The following NSMCE1 variants were observed in gnomAD, a reference collection of about 807,000 sequenced individuals.
NSMCE1 encodes the protein non-structural maintenance of chromosomes element 1 homolog.
In NSMCE1, 18 loss-of-function variants were observed where a neutral mutation model predicts 29.6. The observed-to-expected ratio is 0.61, with a 90% CI of 0.42 to 0.90. NSMCE1 has a LOEUF of 0.90. Ranked by LOEUF, NSMCE1 falls within the 40% of genes least tolerant of loss-of-function variation. The pLI, the probability that NSMCE1 is intolerant of heterozygous loss-of-function variation, is 0.00. For synonymous variants in NSMCE1, 124 were observed against 133.4 expected, an observed-to-expected ratio of 0.93 and a Z score of 0.49; for missense variants, 314 against 343.6, an observed-to-expected ratio of 0.91 and a Z score of 0.68.
chr16:27,242,332 CT>C (rs2083904369), intron 2 of NSMCE1, among the ~76,000 whole-genome samples: 1 of 152,134 alleles, frequency 6.6e-6, no homozygotes, highest in South Asian at 2.1e-4. Context: ...GTTTTAAAAC[CT>C]ATTGTTCTGA....
At chr16:27,259,575 G>A (rs2084132147) in intron 1 of NSMCE1, among the ~76,000 whole-genome samples, 1 of 152,102 alleles carries the variant, frequency 6.6e-6, no homozygotes, top group African/African-American at 2.4e-5. Flanking sequence ...GAGGTGTAGA[G>A]GAAAGAAATG....
At chr16:27,226,888 C>T (rs2083703174) in intron 5 of NSMCE1, 52 bp from the exon 6 acceptor site, 1 of 1,078,492 alleles carries the variant, frequency 9.3e-7, no homozygotes. Context: ...TCTCCCCATT[C>T]ACCACCTCTC....
chr16:27,248,405 GCTTT>G (rs2083980664), intron 2 of NSMCE1, among the ~76,000 whole-genome samples: 3 of 103,650 alleles, frequency 2.9e-5, no homozygotes, highest in Non-Finnish European at 6.1e-5. Flanking sequence ...GTTTTAGTTT[GCTTT>G]TTTTTTTTTT....
At chr16:27,256,603 T>C (rs761813923) in intron 2 of NSMCE1, among the ~76,000 whole-genome samples, 12 of 152,258 alleles carry the variant, frequency 7.9e-5, no homozygotes, top group Admixed American at 2.6e-4. Flanking sequence ...TCTACCCATA[T>C]TGGCACACAA....
chr16:27,252,391 T>C lies in NSMCE1; in HGVS notation c.136+5044A>G, dbSNP rs189604186. Among the ~76,000 whole-genome samples, 214 of 152,366 alleles carry C rather than the reference T, an allele frequency of 1.4e-3. 1 individual carries two copies. Among genetic ancestry groups the C allele is most frequent in the East Asian group, 7.9e-3 (41 of 5,192 alleles). On this transcript the variant is annotated intron_variant, in intron 2 of 7. Coordinates refer to ENST00000361439, the MANE Select transcript of NSMCE1 (RefSeq NM_145080.4). ...CCCAGGAATGGCCAGGCACGGTGGC[T>C]AAATAAATATTTCAAATCATTTCTA...
intron 1 of NSMCE1, among the ~76,000 whole-genome samples, chr16:27,262,845 G>A (rs138284482): frequency 6.6e-6 from 1 of 151,710 alleles, no homozygotes; most frequent in Non-Finnish European, 1.5e-5. Context: ...AACTATTTAC[G>A]AGAGAAAATC....
chr16:27,234,267 T>A lies in NSMCE1; in HGVS notation c.259-2A>T. On this transcript the variant is annotated splice_acceptor_variant, in intron 3 of 7. Transcript: ENST00000361439. LOFTEE classifies it high-confidence loss of function. Reference sequence around the variant, plus strand: ...AATTGAAGTTGTAGCAAGATTCACCTAAGAAATAAGTCAGCACGACAGTCA... The same window carrying A: ...AATTGAAGTTGTAGCAAGATTCACCAAAGAAATAAGTCAGCACGACAGTCA... 6.2e-7 allele frequency: 1 copy of A among 1,606,102 alleles called. No homozygotes were observed. The highest frequency in any genetic ancestry group is 8.5e-7 in the Non-Finnish European group (1 of 1,172,650).
intron 2 of NSMCE1, among the ~76,000 whole-genome samples, chr16:27,244,132 T>C (rs2083924750): frequency 6.6e-6 from 1 of 152,228 alleles, no homozygotes; most frequent in South Asian, 2.1e-4. Flanking sequence ...CTGGAGTCTC[T>C]GCTAAACCCA....
intron 6 of NSMCE1, chr16:27,226,112 T>A (rs2083688076): frequency 2.8e-6 from 1 of 354,492 alleles, no homozygotes; most frequent in Non-Finnish European, 5.2e-6. Flanking sequence ...TGCACTCAGA[T>A]CCTGCAGGTG....
In NSMCE1 at chr16:27,229,601, T is replaced by C. The variant is rs560553371; in HGVS notation, c.484-2765A>G. ...TTTTATTTATTTATTTGAGACAGAGTTTCGCTCTTGTTGCCCAGGCTAGAT... is the reference window on the plus strand; with the variant it reads ...TTTTATTTATTTATTTGAGACAGAGCTTCGCTCTTGTTGCCCAGGCTAGAT... On this transcript the variant is annotated intron_variant, in intron 5 of 7. Transcript: ENST00000361439. Among the ~76,000 whole-genome samples, 15 of 152,214 alleles carry C rather than the reference T, an allele frequency of 9.9e-5. No individual in the cohort carries two copies. The South Asian group carries it at 2.9e-3, about 30-fold the overall frequency.
At chr16:27,256,930 T>C (rs1001209765) in intron 2 of NSMCE1, among the ~76,000 whole-genome samples, 3 of 152,210 alleles carry the variant, frequency 2.0e-5, no homozygotes, top group Non-Finnish European at 2.9e-5. Flanking sequence ...TTGCCCAGGC[T>C]GGTCCCAAAC....
rs1596665466 is a variant in NSMCE1, at chr16:27,225,197, A to G, written c.761T>C (p.Leu254Ser). ...CCGCAGGGACTTTTTGTTCGATTTCAAGACACCAGACTCCCTCTCCTTCTC... is the reference window on the plus strand; with the variant it reads ...CCGCAGGGACTTTTTGTTCGATTTCGAGACACCAGACTCCCTCTCCTTCTC... The part of the protein sequence containing the change: ...DPEKERESGV[L>S]KSNKKSLRSR... Residue 254 changes from leucine (L) to serine (S), a missense_variant, in exon 8 of 8, where the codon TTG becomes TCG. Coordinates refer to ENST00000361439, the MANE Select transcript of NSMCE1 (RefSeq NM_145080.4). 6.2e-7 allele frequency: 1 copy of G among 1,607,776 alleles called. No homozygotes were observed. The highest frequency in any genetic ancestry group is 1.1e-5 in the South Asian group (1 of 89,840).
intron 2 of NSMCE1, among the ~76,000 whole-genome samples, chr16:27,236,392 G>A (rs1290734451): frequency 6.7e-6 from 1 of 148,286 alleles, no homozygotes; most frequent in Non-Finnish European, 1.5e-5. Flanking sequence ...CACCTCCCGG[G>A]TTCAAGCAGT....
intron 2 of NSMCE1, among the ~76,000 whole-genome samples, chr16:27,245,503 C>T (rs927771500): frequency 1.1e-4 from 17 of 152,186 alleles, no homozygotes; most frequent in Non-Finnish European, 2.1e-4. Flanking sequence ...GAAAGGGCTG[C>T]GGTGGAGCAG....
rs371662810 is a variant in NSMCE1, at chr16:27,225,151, C to T, written c.*6G>A. On this transcript the variant is annotated 3_prime_UTR_variant, in exon 8 of 8. Transcript: ENST00000361439. ...AGGCAGCCAGCCCCTCAGCAGGGCA[C>T]GATGGCTAATGCTGCCTGGACCGCA... The T allele has an allele frequency of 2.7e-5, 42 of 1,577,348 alleles. No homozygotes were observed. The highest frequency in any genetic ancestry group is 2.0e-4 in the African/African-American group (15 of 74,346).
intron 1 of NSMCE1, among the ~76,000 whole-genome samples, chr16:27,258,450 TG>T (rs1462718757): frequency 1.3e-5 from 2 of 152,256 alleles, no homozygotes; most frequent in Non-Finnish European, 2.9e-5. Context: ...AACCCTTTCC[TG>T]GATGTTCTGA....
At chr16:27,252,065 T>C (rs2084040839) in intron 2 of NSMCE1, among the ~76,000 whole-genome samples, 1 of 152,194 alleles carries the variant, frequency 6.6e-6, no homozygotes, top group Non-Finnish European at 1.5e-5. Flanking sequence ...ACTCCCACTA[T>C]CGCTTGTGGC....
chr16:27,251,435 C>T (rs1301846042), intron 2 of NSMCE1, among the ~76,000 whole-genome samples: 1 of 151,900 alleles, frequency 6.6e-6, no homozygotes, highest in Non-Finnish European at 1.5e-5. Context: ...AATATTAATA[C>T]TAAATCAACC....
intron 5 of NSMCE1, among the ~76,000 whole-genome samples, chr16:27,227,699 C>G (rs962726550): frequency 6.6e-6 from 1 of 152,214 alleles, no homozygotes; most frequent in South Asian, 2.1e-4. Flanking sequence ...CTGCAAGTCA[C>G]CCGAGTGCTC....
Sources: allele counts gnomAD v4.1 joint callset (sites outside exome capture counted in the v4.1 genomes callset), GRCh38; gene constraint gnomAD v4.1.1; transcripts MANE v1.5; gene names NCBI Gene and HGNC (gene_info 2026-07-23, HGNC 2026-07-21).